ARHGAP15: variants seen among roughly 807,000 people sequenced by gnomAD.
ARHGAP15 encodes the protein rho GTPase-activating protein 15.
ARHGAP15 carries 51 observed loss-of-function variants against 63.7 expected under a neutral mutation model. The ratio of observed to expected loss-of-function variants is 0.80; its 90% CI spans 0.64 to 1.01. The LOEUF is 1.01. ARHGAP15 is among the 50% of genes least tolerant of loss of function. ARHGAP15 has a pLI of 0.00. For missense variants in ARHGAP15, 560 were observed against 564.6 expected (o/e 0.99, Z 0.08); for synonymous variants, 191 against 193.8 (o/e 0.99, Z 0.12).
At chr2:143,214,160 G>T (rs546017040) in intron 3 of ARHGAP15, among the ~76,000 whole-genome samples, 1 of 152,060 alleles carries the variant, frequency 6.6e-6, no homozygotes, top group African/African-American at 2.4e-5. Flanking sequence ...AAACAATTGG[G>T]GCTATATTTT....
chr2:143,560,352 TTAATC>T (rs1285684232), intron 11 of ARHGAP15, among the ~76,000 whole-genome samples: 12 of 152,314 alleles, frequency 7.9e-5, no homozygotes, highest in South Asian at 2.1e-4. Context: ...TTTACATAAT[TTAATC>T]TAATCCTTTC....
intron 11 of ARHGAP15, among the ~76,000 whole-genome samples, chr2:143,583,412 T>A (rs1239316176): frequency 6.6e-6 from 1 of 152,224 alleles, no homozygotes; most frequent in Non-Finnish European, 1.5e-5. Context: ...TATAACATTG[T>A]CATTTGTTTA....
intron 4 of ARHGAP15, chr2:143,228,158 G>T (rs1285048830): frequency 6.6e-6 from 1 of 152,570 alleles, no homozygotes; most frequent in Non-Finnish European, 1.5e-5. Context: ...CATGAGGCTG[G>T]TTAGTTTTTA....
intron 6 of ARHGAP15, among the ~76,000 whole-genome samples, chr2:143,331,171 C>A (rs1202461778): frequency 6.6e-6 from 1 of 152,138 alleles, no homozygotes; most frequent in African/African-American, 2.4e-5. Flanking sequence ...TAATACATAA[C>A]AAACATATAT....
chr2:143,506,629 C>G (rs535207551), intron 9 of ARHGAP15, among the ~76,000 whole-genome samples: 1 of 152,188 alleles, frequency 6.6e-6, no homozygotes, highest in Middle Eastern at 3.4e-3. Flanking sequence ...TGATGACAGG[C>G]AAATGAAAAG....
chr2:143,313,066 A>G (rs1241664505), intron 6 of ARHGAP15, among the ~76,000 whole-genome samples: 1 of 152,188 alleles, frequency 6.6e-6, no homozygotes, highest in Non-Finnish European at 1.5e-5. Flanking sequence ...GGAAAAGAGT[A>G]TAGAATTTTC....
chr2:143,400,473 A>T (rs116797629), intron 6 of ARHGAP15, among the ~76,000 whole-genome samples: 1 of 151,880 alleles, frequency 6.6e-6, no homozygotes, highest in Non-Finnish European at 1.5e-5. Context: ...TATAACTTAC[A>T]TTTTTGTAAT....
At chr2:143,609,048 A>G (rs780655057) in intron 11 of ARHGAP15, among the ~76,000 whole-genome samples, 9 of 152,178 alleles carry the variant, frequency 5.9e-5, no homozygotes, top group Non-Finnish European at 1.2e-4. Flanking sequence ...ATTTATTTTA[A>G]GTTTAACATA....
chr2:143,720,845 G>A (rs533953136), intron 13 of ARHGAP15, among the ~76,000 whole-genome samples: 13 of 152,070 alleles, frequency 8.5e-5, no homozygotes, highest in African/African-American at 2.9e-4. Flanking sequence ...CGAGGCGGGC[G>A]GATCACAAGG....
chr2:143,644,008 A>G (rs1253087286), intron 12 of ARHGAP15, among the ~76,000 whole-genome samples: 1 of 152,070 alleles, frequency 6.6e-6, no homozygotes, highest in East Asian at 1.9e-4. Context: ...AGTACAATAC[A>G]TTTTCCTTAC....
At chr2:143,755,036 C>T (rs1359972541) in intron 13 of ARHGAP15, among the ~76,000 whole-genome samples, 3 of 152,172 alleles carry the variant, frequency 2.0e-5, no homozygotes, top group African/African-American at 7.2e-5. Context: ...AAGGCTCAGT[C>T]ATTATCTACT....
chr2:143,370,462 A>C (rs1686500157), intron 6 of ARHGAP15, among the ~76,000 whole-genome samples: 1 of 152,182 alleles, frequency 6.6e-6, no homozygotes, highest in Non-Finnish European at 1.5e-5. Context: ...ACTAACCTGC[A>C]CATTGTGCAC....
chr2:143,638,228 A>G (rs1233309925), intron 12 of ARHGAP15, among the ~76,000 whole-genome samples: 1 of 143,106 alleles, frequency 7.0e-6, no homozygotes, highest in Non-Finnish European at 1.5e-5. Context: ...ACTATTCACG[A>G]TAGCAAAGAC....
intron 13 of ARHGAP15, among the ~76,000 whole-genome samples, chr2:143,762,690 A>G (rs918791478): frequency 2.6e-5 from 4 of 150,956 alleles, no homozygotes; most frequent in Non-Finnish European, 5.9e-5. Context: ...CACAAGTTAA[A>G]GATTGGCAAG....
chr2:143,680,556 T>G (rs1683053999), intron 12 of ARHGAP15, among the ~76,000 whole-genome samples: 1 of 152,182 alleles, frequency 6.6e-6, no homozygotes, highest in South Asian at 2.1e-4. Context: ...AAATAAAAAT[T>G]TTCTTTGGTT....
chr2:143,245,418 T>C (rs1694012495), intron 5 of ARHGAP15, among the ~76,000 whole-genome samples: 1 of 152,204 alleles, frequency 6.6e-6, no homozygotes, highest in Non-Finnish European at 1.5e-5. Flanking sequence ...AGATTGTTTT[T>C]GTTGACCTTA....
At chr2:143,419,599 AATAAG>A (rs1373632179) in intron 6 of ARHGAP15, among the ~76,000 whole-genome samples, 2 of 147,838 alleles carry the variant, frequency 1.4e-5, no homozygotes, top group African/African-American at 5.2e-5. Context: ...TAAAAAAAAT[AATAAG>A]ATACGATATT....
chr2:143,586,635 T>C (rs374992730), intron 11 of ARHGAP15, among the ~76,000 whole-genome samples: 5 of 152,162 alleles, frequency 3.3e-5, no homozygotes, highest in South Asian at 2.1e-4. Context: ...TGAATACTTA[T>C]AGTTCTTTTT....
intron 6 of ARHGAP15, among the ~76,000 whole-genome samples, chr2:143,309,154 C>A (rs1424709247): frequency 6.6e-6 from 1 of 151,968 alleles, no homozygotes; most frequent in Non-Finnish European, 1.5e-5. Flanking sequence ...GCTAATGAGG[C>A]CTATTCTTGT....
Sources: allele counts gnomAD v4.1 joint callset (sites outside exome capture counted in the v4.1 genomes callset), GRCh38; gene constraint gnomAD v4.1.1; transcripts MANE v1.5; gene names NCBI Gene and HGNC (gene_info 2026-07-23, HGNC 2026-07-21).